Variants in SLC8A1 observed in about 807,000 individuals in gnomAD.
The protein encoded by SLC8A1 is solute carrier family 8 member A1.
A neutral mutation model predicts 68.3 loss-of-function variants in SLC8A1; 18 were observed. That is an observed-to-expected ratio of 0.26 (90% confidence interval 0.18 to 0.39). The LOEUF (loss-of-function observed/expected upper bound fraction) is 0.39, where lower values mean the gene tolerates loss of function less well. SLC8A1 is among the 10% of genes least tolerant of loss of function. SLC8A1 has a pLI of 1.00. For synonymous variants in SLC8A1, 475 were observed against 415.5 expected (o/e 1.14, Z -1.74); for missense variants, 985 against 1,156.7 (o/e 0.85, Z 2.15).
chr2:40,149,267 A>G (rs945691660), intron 6 of SLC8A1, among the ~76,000 whole-genome samples: 1 of 152,244 alleles, frequency 6.6e-6, no homozygotes, highest in Admixed American at 6.5e-5. Flanking sequence ...CAACTTATGT[A>G]TCAGGCACAG....
At chr2:40,205,039 G>A (rs1021470578) in intron 2 of SLC8A1, among the ~76,000 whole-genome samples, 1 of 151,690 alleles carries the variant, frequency 6.6e-6, no homozygotes, top group Non-Finnish European at 1.5e-5. Context: ...ATATCAGCTG[G>A]GCATATAGTC....
chr2:40,203,845 C>T (rs2054866861), intron 2 of SLC8A1, among the ~76,000 whole-genome samples: 1 of 151,888 alleles, frequency 6.6e-6, no homozygotes, highest in African/African-American at 2.4e-5. Context: ...GCTGGGACTA[C>T]ATGCATGAAC....
intron 2 of SLC8A1, among the ~76,000 whole-genome samples, chr2:40,426,567 AGTCCT>A (rs1696904850): frequency 6.6e-6 from 1 of 152,078 alleles, no homozygotes; most frequent in Non-Finnish European, 1.5e-5. Flanking sequence ...GTTTGGTAAA[AGTCCT>A]GAACTGCAGA....
chr2:40,256,603 T>C (rs1415846403), intron 2 of SLC8A1, among the ~76,000 whole-genome samples: 2 of 152,218 alleles, frequency 1.3e-5, no homozygotes, highest in Non-Finnish European at 2.9e-5. Flanking sequence ...TATTGCTCCA[T>C]AATAATGCTA....
intron 2 of SLC8A1, among the ~76,000 whole-genome samples, chr2:40,386,766 G>A (rs1031851227): frequency 2.0e-5 from 3 of 150,998 alleles, no homozygotes; most frequent in African/African-American, 7.4e-5. Flanking sequence ...CCTCATTGCT[G>A]GAGGTTTTAT....
At chr2:40,168,021 A>T (rs183977744) in intron 4 of SLC8A1, among the ~76,000 whole-genome samples, 1 of 152,282 alleles carries the variant, frequency 6.6e-6, no homozygotes, top group Non-Finnish European at 1.5e-5. Flanking sequence ...CTCACTGTTA[A>T]TAAAGCCTCT....
chr2:40,411,032 T>A (rs868715430), intron 2 of SLC8A1, among the ~76,000 whole-genome samples: 1 of 152,056 alleles, frequency 6.6e-6, no homozygotes, highest in African/African-American at 2.4e-5. Flanking sequence ...TAAGTTTTTT[T>A]AGATTGGATT....
chr2:40,309,737 C>G (rs1484301732), intron 2 of SLC8A1, among the ~76,000 whole-genome samples: 1 of 152,070 alleles, frequency 6.6e-6, no homozygotes, highest in East Asian at 1.9e-4. Flanking sequence ...AACTCCTGAC[C>G]TCATGATCCG....
chr2:40,099,760 A>C (rs1293321276), exon 8 of SLC8A1: 2 of 152,022 alleles, frequency 1.3e-5, no homozygotes, highest in Admixed American at 1.3e-4. Context: ...TTTACTATCA[A>C]AATTGTCCAC....
intron 4 of SLC8A1, 56 bp downstream of exon 6, chr2:40,174,650 T>C (rs1294240692): frequency 2.8e-6 from 4 of 1,404,688 alleles, no homozygotes; most frequent in Non-Finnish European, 4.0e-6. Context: ...TAGGTTTGGA[T>C]TGATGGTTAA....
chr2:40,504,331 C>G (rs1368286807), intron 1 of SLC8A1, among the ~76,000 whole-genome samples: 1 of 152,008 alleles, frequency 6.6e-6, no homozygotes, highest in African/African-American at 2.4e-5. Flanking sequence ...AGACTTAAAT[C>G]TAAGACCTCA....
intron 1 of SLC8A1, among the ~76,000 whole-genome samples, chr2:40,438,639 C>A (rs1315280705): frequency 6.6e-6 from 1 of 152,156 alleles, no homozygotes; most frequent in South Asian, 2.1e-4. Context: ...ATGACAACGG[C>A]TAGAGAATGT....
chr2:40,378,909 T>C (rs1421158245), intron 2 of SLC8A1, among the ~76,000 whole-genome samples: 1 of 152,000 alleles, frequency 6.6e-6, no homozygotes, highest in African/African-American at 2.4e-5. Context: ...AAACACTCTA[T>C]CTCCTTCTCC....
At chr2:40,171,404 T>C (rs1221477289) in intron 4 of SLC8A1, among the ~76,000 whole-genome samples, 3 of 152,218 alleles carry the variant, frequency 2.0e-5, no homozygotes, top group African/African-American at 7.2e-5. Flanking sequence ...CTTAGAAGTT[T>C]TGGGGATCAA....
chr2:40,477,075 C>T (rs1282622167), intron 1 of SLC8A1, among the ~76,000 whole-genome samples: 3 of 152,150 alleles, frequency 2.0e-5, no homozygotes, highest in Non-Finnish European at 4.4e-5. Flanking sequence ...AAACATAATA[C>T]TGTCCACGAC....
intron 2 of SLC8A1, among the ~76,000 whole-genome samples, chr2:40,242,441 T>A (rs970948775): frequency 2.6e-5 from 4 of 152,218 alleles, no homozygotes; most frequent in Non-Finnish European, 4.4e-5. Flanking sequence ...GCTGCCTGTG[T>A]TTATGTTGCT....
chr2:40,337,437 G>A, intron 2 of SLC8A1: 1 of 249,092 alleles, frequency 4.0e-6, no homozygotes, highest in Non-Finnish European at 8.9e-6. Context: ...GATTCTACAG[G>A]GAACCCATGA....
chr2:40,428,423 C>CAA (rs1697427567), intron 2 of SLC8A1, 50 bp downstream of exon 2: 2 of 1,145,884 alleles, frequency 1.7e-6, no homozygotes, highest in African/African-American at 3.2e-5. Context: ...ACACACTGAA[C>CAA]CACACACACA....
chr2:40,428,428 C>T (rs770697757), intron 2 of SLC8A1, 45 bp downstream of exon 2: 49 of 334,188 alleles, frequency 1.5e-4, no homozygotes, highest in Non-Finnish European at 2.0e-4. Flanking sequence ...CTGAACCACA[C>T]ACACACACAC....
Sources: allele counts gnomAD v4.1 joint callset (sites outside exome capture counted in the v4.1 genomes callset), GRCh38; gene constraint gnomAD v4.1.1; transcripts MANE v1.5; gene names NCBI Gene and HGNC (gene_info 2026-07-23, HGNC 2026-07-21).